TUSC3: variants seen among roughly 807,000 people sequenced by gnomAD.
TUSC3 encodes the protein dolichyl-diphosphooligosaccharide--protein glycosyltransferase subunit TUSC3.
TUSC3 carries 45 observed loss-of-function variants against 44.8 expected under a neutral mutation model. The observed-to-expected ratio is 1.00, with a 90% CI of 0.79 to 1.29. The LOEUF is 1.29. TUSC3 is among the 50% of genes most tolerant of loss of function. TUSC3 has a pLI of 0.00. For missense variants in TUSC3, 519 were observed against 437.9 expected (o/e 1.19, Z -1.65); for synonymous variants, 212 against 152.9 (o/e 1.39, Z -2.85).
chr8:15,585,027 T>C (rs1332999665), intron 1 of TUSC3, among the ~76,000 whole-genome samples: 1 of 152,210 alleles, frequency 6.6e-6, no homozygotes, highest in Non-Finnish European at 1.5e-5. Flanking sequence ...AGGAATTTTG[T>C]GTTAGAAATA....
At chr8:15,640,064 C>T (rs1427014522) in intron 2 of TUSC3, among the ~76,000 whole-genome samples, 2 of 152,138 alleles carry the variant, frequency 1.3e-5, no homozygotes, top group African/African-American at 2.4e-5. Context: ...GGAATTTTTC[C>T]ACCATTACTT....
intron 6 of TUSC3, among the ~76,000 whole-genome samples, chr8:15,715,453 G>A (rs1387839335): frequency 6.6e-6 from 1 of 152,094 alleles, no homozygotes; most frequent in Non-Finnish European, 1.5e-5. Context: ...CTAATGGGAA[G>A]GTAGCATGTA....
intron 1 of TUSC3, among the ~76,000 whole-genome samples, chr8:15,482,835 T>G (rs1038805184): frequency 6.6e-6 from 1 of 152,246 alleles, no homozygotes; most frequent in African/African-American, 2.4e-5. Context: ...TTGCAAGGTC[T>G]TTGTATGATA....
the TUSC3 span, among the ~76,000 whole-genome samples, chr8:15,820,706 TCTTC>T: frequency 1.3e-5 from 2 of 152,226 alleles, no homozygotes; most frequent in African/African-American, 2.4e-5. Flanking sequence ...GTAATTGCAC[TCTTC>T]CTATTTTCTG....
intron 9 of TUSC3, among the ~76,000 whole-genome samples, chr8:15,753,231 A>T (rs925373569): frequency 2.0e-5 from 3 of 152,040 alleles, no homozygotes; most frequent in Non-Finnish European, 2.9e-5. Context: ...AATTTAAAAA[A>T]TCCCTCTAAT....
chr8:15,784,448 A>C, the TUSC3 span, among the ~76,000 whole-genome samples: 1 of 152,146 alleles, frequency 6.6e-6, no homozygotes, highest in Admixed American at 6.5e-5. Flanking sequence ...AAGATATGAA[A>C]AAATTGAAGT....
At chr8:15,818,974 G>A in the TUSC3 span, among the ~76,000 whole-genome samples, 1 of 152,036 alleles carries the variant, frequency 6.6e-6, no homozygotes, top group Non-Finnish European at 1.5e-5. Context: ...CTATACTCCT[G>A]GTGCCTTGGG....
intron 7 of TUSC3, among the ~76,000 whole-genome samples, chr8:15,740,516 A>G (rs2129212918): frequency 6.6e-6 from 1 of 151,910 alleles, no homozygotes; most frequent in Non-Finnish European, 1.5e-5. Context: ...GAAAAACGGG[A>G]GGAAAAAAAA....
the TUSC3 span, among the ~76,000 whole-genome samples, chr8:15,786,016 A>T: frequency 6.6e-6 from 1 of 152,228 alleles, no homozygotes; most frequent in East Asian, 1.9e-4. Context: ...AATTCTTTAT[A>T]CATTCTTGAG....
chr8:15,657,839 T>C (rs891583461), intron 3 of TUSC3, among the ~76,000 whole-genome samples: 2 of 152,184 alleles, frequency 1.3e-5, no homozygotes, highest in Non-Finnish European at 2.9e-5. Flanking sequence ...TGGATAAGTA[T>C]AATGAACAGA....
At chr8:15,614,350 C>G (rs1804895182) in intron 1 of TUSC3, among the ~76,000 whole-genome samples, 1 of 152,046 alleles carries the variant, frequency 6.6e-6, no homozygotes, top group African/African-American at 2.4e-5. Flanking sequence ...GATTAAATGA[C>G]TTTCAGTAAC....
the TUSC3 span, among the ~76,000 whole-genome samples, chr8:15,837,009 G>C: frequency 2.6e-5 from 4 of 151,944 alleles, no homozygotes; most frequent in Non-Finnish European, 5.9e-5. Flanking sequence ...TGTTAAATAA[G>C]GTAGGTCTGA....
chr8:15,585,749 C>G (rs73540534), intron 1 of TUSC3, among the ~76,000 whole-genome samples: 3 of 152,098 alleles, frequency 2.0e-5, no homozygotes, highest in Admixed American at 2.0e-4. Context: ...GTTCGACTGT[C>G]GGAATGTCTT....
At chr8:15,711,338 T>C (rs2129199779) in intron 6 of TUSC3, among the ~76,000 whole-genome samples, 2 of 151,812 alleles carry the variant, frequency 1.3e-5, no homozygotes, top group Admixed American at 1.3e-4. Context: ...AAATATTATT[T>C]AGAAGATTGA....
At chr8:15,448,117 A>ACATATATATATTTATTTATTTATT (rs1800132936) in intron 1 of TUSC3, among the ~76,000 whole-genome samples, 1 of 93,782 alleles carries the variant, frequency 1.1e-5, no homozygotes, top group African/African-American at 4.2e-5. Context: ...ACATATATAT[A>ACATATATATATTTATTTATTTATT]TATTTATTTA....
At chr8:15,716,045 AAGGAGTTCAAGACC>A (rs1810044019) in intron 6 of TUSC3, among the ~76,000 whole-genome samples, 1 of 151,934 alleles carries the variant, frequency 6.6e-6, no homozygotes, top group Non-Finnish European at 1.5e-5. Flanking sequence ...CACTTGAGAT[AAGGAGTTCAAGACC>A]AGGCTGGCCA....
intron 2 of TUSC3, among the ~76,000 whole-genome samples, chr8:15,628,950 G>A (rs1805636684): frequency 6.6e-6 from 1 of 152,172 alleles, no homozygotes; most frequent in Non-Finnish European, 1.5e-5. Context: ...GTCAGAGGAA[G>A]CTAGGGAAAG....
At chr8:15,786,922 C>T in the TUSC3 span, among the ~76,000 whole-genome samples, 1 of 111,310 alleles carries the variant, frequency 9.0e-6, no homozygotes, top group Admixed American at 1.3e-4. Context: ...CCAGCCTGGG[C>T]AACAGAGGGA....
intron 1 of TUSC3, among the ~76,000 whole-genome samples, chr8:15,569,301 A>G (rs1802783668): frequency 6.6e-6 from 1 of 152,098 alleles, no homozygotes; most frequent in African/African-American, 2.4e-5. Context: ...TTTTCTTGCT[A>G]CTTGCTGGAA....
Sources: gnomAD v4.1 joint callset for allele counts (sites outside exome capture counted in the v4.1 genomes callset) on GRCh38, gnomAD v4.1.1 for gene constraint, MANE v1.5 for transcripts, NCBI Gene and HGNC (gene_info 2026-07-23, HGNC 2026-07-21) for gene names.